MCF2L: variants seen among roughly 807,000 people sequenced by gnomAD.
MCF2L encodes the protein MCF.2 cell line derived transforming sequence like.
Under a neutral mutation model 153.4 loss-of-function variants are expected in MCF2L, and 97 were observed. That is an observed-to-expected ratio of 0.63 (90% CI 0.54 to 0.75). MCF2L has a LOEUF of 0.75. MCF2L is among the 30% of genes least tolerant of loss of function. The pLI, the probability that MCF2L is intolerant of heterozygous loss-of-function variation, is 0.00. For missense variants in MCF2L, 1,347 were observed against 1,495.2 expected (o/e 0.90, Z 1.64); for synonymous variants, 659 against 632.2 (o/e 1.04, Z -0.64).
chr13:113,063,626 A>G (rs1594897704), intron 5 of MCF2L, among the ~76,000 whole-genome samples: 1 of 152,212 alleles, frequency 6.6e-6, no homozygotes, highest in African/African-American at 2.4e-5. Flanking sequence ...GGTTTAGCTC[A>G]GGGGTTATTT....
At chr13:113,081,892 AACTG>A (rs2034173134) in intron 16 of MCF2L, among the ~76,000 whole-genome samples, 1 of 151,680 alleles carries the variant, frequency 6.6e-6, no homozygotes, top group Non-Finnish European at 1.5e-5. Context: ...GGTGGTGGTC[AACTG>A]AGTGTTGACA....
In MCF2L at chr13:113,019,818, G is replaced by A. The variant is rs150132184; in HGVS notation, c.164-4826G>A. Among the ~76,000 whole-genome samples the A allele has an allele frequency of 5.3e-3, 813 of 152,266 alleles. 12 individuals carry two copies. Among genetic ancestry groups the A allele is most frequent in the African/African-American group, 0.019 (779 of 41,560 alleles). On this transcript the variant is annotated intron_variant, in intron 2 of 29. Transcript: ENST00000535094. Reference sequence around the variant, plus strand: ...GGCTGAAGAGACCAGATCTCCTTCCGCAGCATGGCCATGCCTCAAGGAGAC... The same window carrying A: ...GGCTGAAGAGACCAGATCTCCTTCCACAGCATGGCCATGCCTCAAGGAGAC...
At chr13:113,090,375 A>G in intron 26 of MCF2L, 11 of 985,442 alleles carry the variant, frequency 1.1e-5, no homozygotes, top group African/African-American at 3.5e-5. Context: ...AGCTTTTCAA[A>G]TGGAGGCTTG....
At chr13:112,979,235 G>C in intron 1 of MCF2L, 4 of 771,160 alleles carry the variant, frequency 5.2e-6, no homozygotes, top group Non-Finnish European at 6.4e-6. Flanking sequence ...GGCCTGGAAG[G>C]TGTTTTTGGC....
intron 13 of MCF2L, 79 bp downstream of exon 13, chr13:113,077,290 A>G (rs2033599385): frequency 4.9e-6 from 7 of 1,414,474 alleles, no homozygotes; most frequent in Non-Finnish European, 6.5e-6. Context: ...GGTACATCTG[A>G]GGCAGCCACC....
intron 3 of MCF2L, chr13:113,044,873 C>T (rs777554727): frequency 6.2e-7 from 1 of 1,612,902 alleles, no homozygotes; most frequent in African/African-American, 1.3e-5. Context: ...ACCTCAGATG[C>T]CAGGACCGGC....
At chr13:113,040,412 C>CTCTGTGTGTGTGTGTG (rs1555372582) in intron 3 of MCF2L, 2 of 140,166 alleles carry the variant, frequency 1.4e-5, no homozygotes, top group African/African-American at 2.8e-5. Flanking sequence ...GAGGGCCTTC[C>CTCTGTGTGTGTGTGTG]TGTGTGTGTG....
At chr13:113,071,248 G>A (rs1447848124) in intron 9 of MCF2L, among the ~76,000 whole-genome samples, 1 of 152,100 alleles carries the variant, frequency 6.6e-6, no homozygotes, top group Non-Finnish European at 1.5e-5. Context: ...TTGGTTTTGT[G>A]CTTTTGTTTT....
intron 17 of MCF2L, among the ~76,000 whole-genome samples, chr13:113,083,133 A>G (rs1222721818): frequency 6.6e-6 from 1 of 152,138 alleles, no homozygotes; most frequent in Admixed American, 6.5e-5. Flanking sequence ...TGGGGAGCTC[A>G]TGGGAAGGTG....
chr13:113,041,827 G>T (rs1224936612), intron 3 of MCF2L, among the ~76,000 whole-genome samples: 2 of 152,108 alleles, frequency 1.3e-5, no homozygotes, highest in African/African-American at 4.8e-5. Flanking sequence ...GGGCATCTGG[G>T]GTCAGGTCCC....
At chr13:113,061,712 TCCC>T (rs1414740799) in intron 5 of MCF2L, among the ~76,000 whole-genome samples, 11 of 21,726 alleles carry the variant, frequency 5.1e-4, no homozygotes, top group African/African-American at 1.8e-3. Flanking sequence ...CCCCTTGCCC[TCCC>T]CTCCCCCTTG....
chr13:112,924,477 CTAATGGGAGAGA>C, intron 2 of MCF2L, among the ~76,000 whole-genome samples: 1 of 152,160 alleles, frequency 6.6e-6, no homozygotes, highest in East Asian at 1.9e-4. Flanking sequence ...AGGAGAAGAT[CTAATGGGAGAGA>C]TAATATTTAT....
At chr13:113,085,269 GC>G in intron 20 of MCF2L, 91 bp downstream of exon 20, 1 of 1,085,614 alleles carries the variant, frequency 9.2e-7, no homozygotes, top group Non-Finnish European at 1.4e-6. Flanking sequence ...ATCGCGCCCT[GC>G]CCCTCCCAGG....
At chr13:113,023,136 T>C (rs1461301332) in intron 2 of MCF2L, among the ~76,000 whole-genome samples, 1 of 152,132 alleles carries the variant, frequency 6.6e-6, no homozygotes, top group Admixed American at 6.5e-5. Context: ...GCCGTCACGG[T>C]GTGTGGACGC....
intron 1 of MCF2L, chr13:112,985,584 G>A (rs915430092): frequency 3.6e-5 from 15 of 417,410 alleles, no homozygotes; most frequent in South Asian, 1.4e-4. Flanking sequence ...TGGATGCCCC[G>A]TGCTCCACAG....
intron 3 of MCF2L, among the ~76,000 whole-genome samples, chr13:113,034,864 GGAGGTGAGGAAGGTCTGCCC>G (rs556411586): frequency 0.014 from 2,053 of 150,808 alleles, 35 homozygotes; most frequent in African/African-American, 0.039. Context: ...GCCACAGATC[GGAGGTGAGGAAGGTCTGCCC>G]GAGGTGAGGA....
At chr13:113,072,445 T>C (rs2033014648) in intron 9 of MCF2L, among the ~76,000 whole-genome samples, 1 of 152,208 alleles carries the variant, frequency 6.6e-6, no homozygotes, top group African/African-American at 2.4e-5. Context: ...AGGAAAGTGT[T>C]TAGTTTTTCA....
Position 113,087,764 on chromosome 13 carries a change from T to A in MCF2L, c.2653T>A (p.Trp885Arg). The A allele has an allele frequency of 6.2e-7, 1 of 1,614,136 alleles. No individual in the cohort carries two copies. Among genetic ancestry groups the A allele is most frequent in the South Asian group, 1.1e-5 (1 of 91,088 alleles). ...VKGDAKKFEI[W>R]YNAREEVYIV... ...GGGAGATGCTAAGAAGTTCGAGATC[T>A]GGTACAACGCGCGCGAGGAGGTCTA... The change falls in exon 23 of 30, where the codon TGG (tryptophan) becomes AGG (arginine). Residue 885 changes from tryptophan (W) to arginine (R), a missense_variant. Transcript: ENST00000535094.
intron 2 of MCF2L, chr13:112,902,494 G>T (rs1382709538): frequency 2.0e-6 from 2 of 1,019,224 alleles, no homozygotes; most frequent in Non-Finnish European, 2.7e-6. Context: ...GGGAATGCAT[G>T]ACCCCCCAGG....
Sources: allele counts gnomAD v4.1 joint callset (sites outside exome capture counted in the v4.1 genomes callset), GRCh38; gene constraint gnomAD v4.1.1; transcripts MANE v1.5; gene names NCBI Gene and HGNC (gene_info 2026-07-23, HGNC 2026-07-21).